LHFPL3: variants seen among roughly 807,000 people sequenced by gnomAD.
LHFPL3 encodes the protein LHFPL tetraspan subfamily member 3 protein.
Under a neutral mutation model 19.3 loss-of-function variants are expected in LHFPL3, and 5 were observed. The observed-to-expected ratio is 0.26, with a 90% CI of 0.14 to 0.54. The LOEUF (loss-of-function observed/expected upper bound fraction) is 0.54. LHFPL3 is among the 20% of genes least tolerant of loss of function. LHFPL3 has a pLI of 0.94. For synonymous variants in LHFPL3, 133 were observed against 126.2 expected (o/e 1.05, Z -0.36); for missense variants, 249 against 307.4 (o/e 0.81, Z 1.42).
chr7:104,884,984 G>A (rs2116693944), intron 2 of LHFPL3, among the ~76,000 whole-genome samples: 1 of 152,274 alleles, frequency 6.6e-6, no homozygotes, highest in East Asian at 1.9e-4. Context: ...TCAGCAGGCA[G>A]GGGAGAGGGA....
chr7:104,432,499 C>A (rs6973879), intron 1 of LHFPL3, among the ~76,000 whole-genome samples: 2,986 of 152,222 alleles, frequency 0.02, 87 homozygotes, highest in African/African-American at 0.068. Flanking sequence ...GCTCCTTTCT[C>A]ACCCTCCACG....
At chr7:104,660,955 G>T (rs1209180088) in intron 1 of LHFPL3, among the ~76,000 whole-genome samples, 4 of 152,236 alleles carry the variant, frequency 2.6e-5, no homozygotes, top group Admixed American at 2.6e-4. Context: ...AACTCAGATG[G>T]GTTTAAATCT....
At chr7:104,726,055 CAAAAAAA>C (rs56697785) in intron 1 of LHFPL3, among the ~76,000 whole-genome samples, 5 of 75,094 alleles carry the variant, frequency 6.7e-5, no homozygotes, top group Non-Finnish European at 9.5e-5. Flanking sequence ...CCATCTCAGG[CAAAAAAA>C]AAAAAAAAAA....
chr7:104,749,924 G>C (rs1179889279), intron 2 of LHFPL3, among the ~76,000 whole-genome samples: 2 of 152,144 alleles, frequency 1.3e-5, no homozygotes, highest in African/African-American at 4.8e-5. Context: ...GCCTCAACTG[G>C]AATTTTAATG....
chr7:104,749,048 G>C (rs1045078437), intron 2 of LHFPL3, among the ~76,000 whole-genome samples: 4 of 152,216 alleles, frequency 2.6e-5, no homozygotes, highest in East Asian at 3.8e-4. Context: ...ATTTGACATG[G>C]CATAAGTAGG....
intron 1 of LHFPL3, among the ~76,000 whole-genome samples, chr7:104,721,727 T>C (rs919367400): frequency 7.9e-5 from 12 of 152,110 alleles, no homozygotes; most frequent in African/African-American, 2.9e-4. Flanking sequence ...AGAAGTGGAA[T>C]AAGGGGCCAA....
intron 1 of LHFPL3, among the ~76,000 whole-genome samples, chr7:104,438,803 C>G (rs1326912060): frequency 1.4e-5 from 2 of 147,564 alleles, no homozygotes; most frequent in Non-Finnish European, 3.0e-5. Flanking sequence ...TTTAACAAAC[C>G]AAAAGTTGAT....
chr7:104,351,382 A>C (rs1372656135), intron 1 of LHFPL3, among the ~76,000 whole-genome samples: 1 of 152,164 alleles, frequency 6.6e-6, no homozygotes, highest in Non-Finnish European at 1.5e-5. Flanking sequence ...TAGTTTGCAA[A>C]CTTTGGAACA....
At chr7:104,376,476 A>T (rs763327125) in intron 1 of LHFPL3, among the ~76,000 whole-genome samples, 14 of 152,344 alleles carry the variant, frequency 9.2e-5, no homozygotes, top group South Asian at 4.1e-4. Context: ...TCATGTCCCC[A>T]GTAGGGGTGA....
chr7:104,826,651 C>G (rs1584558555), intron 2 of LHFPL3: 1 of 154,054 alleles, frequency 6.5e-6, no homozygotes, highest in East Asian at 1.9e-4. Flanking sequence ...GATCTGTGTC[C>G]AAGCCACTCA....
chr7:104,781,827 T>C (rs1351562796), intron 2 of LHFPL3, among the ~76,000 whole-genome samples: 1 of 152,222 alleles, frequency 6.6e-6, no homozygotes, highest in Non-Finnish European at 1.5e-5. Context: ...TCCTTTCTTT[T>C]GGCTTCCATG....
chr7:104,631,353 A>G (rs1264743737), intron 1 of LHFPL3, among the ~76,000 whole-genome samples: 1 of 151,482 alleles, frequency 6.6e-6, no homozygotes, highest in Non-Finnish European at 1.5e-5. Context: ...TGTCCCCCCA[A>G]CCCAACTCTA....
intron 2 of LHFPL3, among the ~76,000 whole-genome samples, chr7:104,862,895 T>C (rs28551701): frequency 0.016 from 2,412 of 152,314 alleles, 65 homozygotes; most frequent in African/African-American, 0.053. Context: ...GCTCAGCTGC[T>C]TGGGCTGCTC....
At chr7:104,419,092 T>C (rs139585834) in intron 1 of LHFPL3, among the ~76,000 whole-genome samples, 14 of 152,326 alleles carry the variant, frequency 9.2e-5, no homozygotes, top group African/African-American at 3.4e-4. Flanking sequence ...GTCTAAATTG[T>C]CTAAATAAAA....
intron 2 of LHFPL3, among the ~76,000 whole-genome samples, chr7:104,886,195 G>C (rs1484517125): frequency 6.6e-6 from 1 of 152,184 alleles, no homozygotes; most frequent in African/African-American, 2.4e-5. Context: ...CCCACACCTA[G>C]AATAGTGCCT....
intron 2 of LHFPL3, among the ~76,000 whole-genome samples, chr7:104,902,552 C>T (rs555117564): frequency 9.9e-5 from 15 of 151,974 alleles, no homozygotes; most frequent in Admixed American, 3.3e-4. Context: ...TTTGGGAGGC[C>T]GAGGTGGGTG....
intron 2 of LHFPL3, among the ~76,000 whole-genome samples, chr7:104,843,987 G>A (rs1405827546): frequency 6.6e-6 from 1 of 152,128 alleles, no homozygotes; most frequent in African/African-American, 2.4e-5. Flanking sequence ...GGGCCCTGGT[G>A]CTGACCAACC....
Position 104,827,600 on chromosome 7 carries a change from C to CTGCTT in LHFPL3, c.683-78585_683-78584insCTTTG, listed in dbSNP as rs370772058. Among the ~76,000 whole-genome samples the CTGCTT allele has an allele frequency of 4.7e-3, 705 of 151,282 alleles. 13 individuals carry two copies. The highest frequency in any genetic ancestry group is 0.016 in the African/African-American group (665 of 41,056). On this transcript the variant is annotated intron_variant, in intron 2 of 2. Transcript: ENST00000424859. ...AGTATTTAAACACTGTCTCAAATAT[C>CTGCTT]TGTTTTGTTTTGTTTTTTTTTTTGA...
chr7:104,561,297 T>G (rs1229992375), intron 1 of LHFPL3, among the ~76,000 whole-genome samples: 8 of 149,374 alleles, frequency 5.4e-5, no homozygotes, highest in Admixed American at 5.3e-4. Flanking sequence ...AAGTCTCTCA[T>G]TATTAATGTG....
Sources: allele counts gnomAD v4.1 joint callset (sites outside exome capture counted in the v4.1 genomes callset), GRCh38; gene constraint gnomAD v4.1.1; transcripts MANE v1.5; gene names NCBI Gene and HGNC (gene_info 2026-07-23, HGNC 2026-07-21).